The following TMEM71 variants were observed in gnomAD, a reference collection of about 807,000 sequenced individuals.
TMEM71 encodes transmembrane protein 71.
Under a neutral mutation model 38.0 loss-of-function variants are expected in TMEM71, and 44 were observed. That is an observed-to-expected ratio of 1.16 (90% confidence interval 0.91 to 1.49). The LOEUF (loss-of-function observed/expected upper bound fraction) is 1.49. Among genes scored for constraint, TMEM71 ranks in the 40% most tolerant of loss-of-function variants. TMEM71 has a pLI of 0.00. For missense variants in TMEM71, 367 were observed against 348.6 expected (o/e 1.05, Z -0.42); for synonymous variants, 133 against 122.5 (o/e 1.09, Z -0.56).
intron 5 of TMEM71, among the ~76,000 whole-genome samples, chr8:132,729,739 G>T (rs942275475): frequency 6.6e-6 from 1 of 151,976 alleles, no homozygotes. Flanking sequence ...ATGACATTAG[G>T]GACAGAAAAA....
At chr8:132,763,814 C>A (rs144519405), upstream of TMEM71, among the ~76,000 whole-genome samples, 18 of 152,180 alleles carry the variant, frequency 1.2e-4, no homozygotes, top group African/African-American at 4.1e-4. Context: ...TCAGCTCCCA[C>A]GTAAAGCCAA....
At position 132,722,094 on chromosome 8, in the gene TMEM71, A is replaced by G. The variant is rs750508036; in HGVS notation, c.698T>C (p.Val233Ala). The G allele has an allele frequency of 3.7e-6, 6 of 1,613,806 alleles. No homozygotes were observed. Among genetic ancestry groups the G allele is most frequent in the Non-Finnish European group, 5.1e-6 (6 of 1,179,736 alleles). Residue 233 changes from valine to alanine, a missense_variant, in exon 7 of 10, where the codon GTC becomes GCC. Val to Ala is a moderately conservative substitution (Grantham distance 64). Transcript: ENST00000677595. ...DHSETRLLQEVFFQAILLAVC... is the reference protein window; with the variant it reads ...DHSETRLLQEAFFQAILLAVC... ...AGCAAGCAGGATTGCCTGAAAGAAG[A>G]CCTCTTGCAACAACCTGGTTTCTAA...
At chr8:132,737,999 T>C (rs1827839498) in intron 5 of TMEM71, among the ~76,000 whole-genome samples, 1 of 152,174 alleles carries the variant, frequency 6.6e-6, no homozygotes, top group Non-Finnish European at 1.5e-5. Flanking sequence ...ATACAATTCA[T>C]TGTCTGTTTT....
At chr8:132,739,169 C>T (rs982469452) in intron 5 of TMEM71, among the ~76,000 whole-genome samples, 6 of 152,336 alleles carry the variant, frequency 3.9e-5, no homozygotes, top group African/African-American at 1.4e-4. Flanking sequence ...TACGACTCCT[C>T]TAGCTTGCTC....
At chr8:132,736,531 G>GA (rs1266833980) in intron 5 of TMEM71, among the ~76,000 whole-genome samples, 2 of 152,086 alleles carry the variant, frequency 1.3e-5, no homozygotes, top group Non-Finnish European at 2.9e-5. Flanking sequence ...TTGTATTCTT[G>GA]AAAATTGCTA....
At chr8:132,761,459 A>C (rs1775826340), upstream of TMEM71, among the ~76,000 whole-genome samples, 1 of 152,224 alleles carries the variant, frequency 6.6e-6, no homozygotes, top group African/African-American at 2.4e-5. Context: ...TGTTTTCTTA[A>C]ATCAAGTTCT....
chr8:132,772,041 CT>C, the TMEM71 span, among the ~76,000 whole-genome samples: 1 of 151,996 alleles, frequency 6.6e-6, no homozygotes, highest in Non-Finnish European at 1.5e-5. Context: ...CTAAACTAAC[CT>C]TAAAAAAAAC....
intron 5 of TMEM71, among the ~76,000 whole-genome samples, chr8:132,733,967 G>T (rs1466087681): frequency 1.3e-5 from 2 of 152,232 alleles, no homozygotes; most frequent in African/African-American, 4.8e-5. Context: ...ACTCATAGGA[G>T]CAGAGAGTAC....
intron 4 of TMEM71, 97 bp downstream of exon 4, chr8:132,751,688 G>A (rs1201328479): frequency 8.5e-7 from 1 of 1,180,046 alleles, no homozygotes; most frequent in Non-Finnish European, 1.3e-6. Flanking sequence ...GCAATAATGG[G>A]CTCCTTATAA....
At position 132,710,990 on chromosome 8, in the gene TMEM71, G is replaced by A; in HGVS notation, c.873-8C>T. On this transcript the variant is annotated splice_polypyrimidine_tract_variant and splice_region_variant and intron_variant, in intron 9 of 9. Coordinates refer to ENST00000677595, the MANE Select transcript of TMEM71 (RefSeq NM_001382403.1). The stretch of plus-strand genomic sequence containing the variant: ...TGTCAAATTTTGACAAACCTAGATT[G>A]GAGAAATAAGAAAAGAAATGCATAA... The A allele has an allele frequency of 6.2e-7, 1 of 1,605,752 alleles. No individual in the cohort carries two copies. Among genetic ancestry groups the A allele is most frequent in the South Asian group, 1.1e-5 (1 of 89,874 alleles).
intron 9 of TMEM71, among the ~76,000 whole-genome samples, chr8:132,711,743 C>T (rs145235210): frequency 1.1e-4 from 17 of 152,194 alleles, no homozygotes; most frequent in South Asian, 4.2e-4. Context: ...CTAAGAATTT[C>T]ATTATGTTAT....
At position 132,710,935 on chromosome 8, in the gene TMEM71, G is replaced by A; in HGVS notation, c.*32C>T. ...GACAATTTCCAGATATTCAGATGGA[G>A]GACATTCATCGAAGGCATTCCTAAA... On this transcript the variant is annotated 3_prime_UTR_variant, in exon 10 of 10. Transcript: ENST00000677595. 6.2e-7 allele frequency: 1 copy of A among 1,601,700 alleles called. No homozygotes were observed. Among genetic ancestry groups the A allele is most frequent in the Non-Finnish European group, 8.5e-7 (1 of 1,170,410 alleles).
Position 132,726,063 on chromosome 8 carries a change from T to C in TMEM71, c.676+1735A>G, listed in dbSNP as rs118050403. Among the ~76,000 whole-genome samples, 118 of 152,284 alleles carry C rather than the reference T, an allele frequency of 7.7e-4. 1 individual carries two copies. Among genetic ancestry groups the C allele is most frequent in the Non-Finnish European group, 1.6e-3 (106 of 68,022 alleles). On this transcript the variant is annotated intron_variant, in intron 6 of 9. Transcript: ENST00000677595. ...GAATTCACAGATGACAATGACCTAG[T>C]GCTTATCTTTAAGGAGCTCACAGAG...
Position 132,758,925 on chromosome 8 carries a change from A to C in TMEM71, c.-36-10T>G. On this transcript the variant is annotated splice_polypyrimidine_tract_variant and intron_variant, in intron 1 of 9. Transcript: ENST00000677595. ...AAACTTCACAGATTCTCTGCAAAAG[A>C]TGTTAAAAAAAAGGTGGACTATATA... 1 of 1,578,830 alleles carries C rather than the reference A, an allele frequency of 6.3e-7. No individual in the cohort carries two copies. Among genetic ancestry groups the C allele is most frequent in the Non-Finnish European group, 8.7e-7 (1 of 1,149,000 alleles).
Position 132,710,301 on chromosome 8 carries a change from A to T in TMEM71, c.*666T>A, listed in dbSNP as rs1235479554. The T allele has an allele frequency of 3.3e-5, 5 of 152,238 alleles. 1 individual carries two copies. Among genetic ancestry groups the T allele is most frequent in the Admixed American group, 3.3e-4 (5 of 15,276 alleles). 9.4% of individuals were successfully genotyped at this position (152,238 alleles called of 1,614,324 possible). A position where few individuals can be genotyped will look rare whatever the true frequency, so the allele number is the denominator to read the frequency against. On this transcript the variant is annotated 3_prime_UTR_variant, in exon 10 of 10. Transcript: ENST00000677595. ...TATCTTTAAGTGACATTAAAGTGAA[A>T]GGTAATTACGAGCCCCAAGAAGATT...
the TMEM71 span, among the ~76,000 whole-genome samples, chr8:132,769,568 G>A: frequency 6.6e-6 from 1 of 152,120 alleles, no homozygotes; most frequent in Admixed American, 6.5e-5. Flanking sequence ...CTTGGAAGTG[G>A]GGCCTTTCGT....
At chr8:132,756,412 TA>T (rs1829014313) in intron 3 of TMEM71, among the ~76,000 whole-genome samples, 11 of 35,718 alleles carry the variant, frequency 3.1e-4, no homozygotes, top group South Asian at 2.1e-3. Context: ...ACATATATAT[TA>T]TATATATATA....
At chr8:132,737,282 G>A (rs746631788) in intron 5 of TMEM71, among the ~76,000 whole-genome samples, 2 of 152,134 alleles carry the variant, frequency 1.3e-5, no homozygotes, top group African/African-American at 4.8e-5. Context: ...AAAAAGTAAC[G>A]AGAGCTCTGT....
At chr8:132,769,477 T>C in the TMEM71 span, among the ~76,000 whole-genome samples, 1 of 152,230 alleles carries the variant, frequency 6.6e-6, no homozygotes, top group Non-Finnish European at 1.5e-5. Flanking sequence ...AAAGAGTTTG[T>C]TGAGTGCTGT....
Sources: gnomAD v4.1 joint callset for allele counts (sites outside exome capture counted in the v4.1 genomes callset) on GRCh38, gnomAD v4.1.1 for gene constraint, MANE v1.5 for transcripts, NCBI Gene and HGNC (gene_info 2026-07-23, HGNC 2026-07-21) for gene names.